The following LIPC variants were observed in gnomAD, a reference collection of about 807,000 sequenced individuals.
LIPC encodes the protein lipase C, hepatic type, also known as hepatic triacylglycerol lipase.
Under a neutral mutation model 50.7 loss-of-function variants are expected in LIPC, and 44 were observed. That is an observed-to-expected ratio of 0.87 (90% CI 0.68 to 1.11). The LOEUF (loss-of-function observed/expected upper bound fraction) is 1.11, where lower values mean the gene tolerates loss of function less well. Among genes scored for constraint, LIPC ranks in the 50% most tolerant of loss-of-function variants. The pLI, the probability that LIPC is intolerant of heterozygous loss-of-function variation, is 0.00. For missense variants in LIPC, 697 were observed against 648.2 expected, an observed-to-expected ratio of 1.08 and a Z score of -0.82; for synonymous variants, 271 against 256.4, an observed-to-expected ratio of 1.06 and a Z score of -0.54.
At chr15:58,558,261 C>T (rs1397267648) in intron 6 of LIPC, among the ~76,000 whole-genome samples, 4 of 151,684 alleles carry the variant, frequency 2.6e-5, no homozygotes, top group African/African-American at 4.8e-5. Flanking sequence ...TTAGTAGAGA[C>T]GGGGTTTCAC....
intron 1 of LIPC, among the ~76,000 whole-genome samples, chr15:58,438,837 C>T (rs1355556734): frequency 2.6e-5 from 4 of 152,246 alleles, no homozygotes; most frequent in African/African-American, 4.8e-5. Flanking sequence ...TGTTGGCTAA[C>T]TTCCCTTTCC....
chr15:58,540,032 C>T (rs1356652253), intron 2 of LIPC, among the ~76,000 whole-genome samples: 1 of 152,222 alleles, frequency 6.6e-6, no homozygotes, highest in Non-Finnish European at 1.5e-5. Context: ...CTCTGCTCTG[C>T]TAGGCCGTAA....
intron 1 of LIPC, among the ~76,000 whole-genome samples, chr15:58,508,266 G>A (rs1160205869): frequency 6.6e-6 from 1 of 152,114 alleles, no homozygotes; most frequent in African/African-American, 2.4e-5. Flanking sequence ...GAAGATCAGA[G>A]AGACCCTGAG....
intron 1 of LIPC, among the ~76,000 whole-genome samples, chr15:58,449,075 C>T (rs1315006998): frequency 2.6e-5 from 4 of 152,226 alleles, no homozygotes; most frequent in African/African-American, 9.6e-5. Flanking sequence ...GGGGCTCAAA[C>T]ACAGGTGGGA....
chr15:58,468,743 G>A (rs1387340308), intron 1 of LIPC, among the ~76,000 whole-genome samples: 1 of 152,200 alleles, frequency 6.6e-6, no homozygotes, highest in East Asian at 1.9e-4. Context: ...TCTAAAGACA[G>A]CCTGGACTGA....
At chr15:58,434,160 A>G (rs1893213583) in intron 1 of LIPC, among the ~76,000 whole-genome samples, 1 of 152,112 alleles carries the variant, frequency 6.6e-6, no homozygotes, top group African/African-American at 2.4e-5. Context: ...ACATCCTACA[A>G]TGCACAGGAC....
chr15:58,506,489 A>G (rs548850354), intron 1 of LIPC, among the ~76,000 whole-genome samples: 231 of 152,304 alleles, frequency 1.5e-3, no homozygotes, highest in African/African-American at 5.5e-3. Context: ...ATGAGAAGGC[A>G]CAGCAAAGGT....
At chr15:58,550,825 CTTTTTTTTTT>C (rs55943459) in intron 6 of LIPC, among the ~76,000 whole-genome samples, 3 of 45,118 alleles carry the variant, frequency 6.6e-5, no homozygotes, top group South Asian at 1.4e-3. Context: ...TTCTTTCTTA[CTTTTTTTTTT>C]TTTTTTTTTT....
chr15:58,551,454 C>G, intron 6 of LIPC, among the ~76,000 whole-genome samples: 1 of 152,222 alleles, frequency 6.6e-6, no homozygotes, highest in African/African-American at 2.4e-5. Flanking sequence ...TTCAGTTTGT[C>G]AGTTACACAA....
chr15:58,465,375 T>A, intron 1 of LIPC, among the ~76,000 whole-genome samples: 1 of 152,250 alleles, frequency 6.6e-6, no homozygotes, highest in African/African-American at 2.4e-5. Context: ...TGCTCTTCAA[T>A]AGTCTTAGTG....
chr15:58,486,561 C>G (rs1290310717), intron 1 of LIPC, among the ~76,000 whole-genome samples: 1 of 152,144 alleles, frequency 6.6e-6, no homozygotes, highest in African/African-American at 2.4e-5. Context: ...TGGTACAGAC[C>G]AGGTTGTGTG....
At chr15:58,433,606 G>A (rs1377898603) in intron 1 of LIPC, among the ~76,000 whole-genome samples, 1 of 152,178 alleles carries the variant, frequency 6.6e-6, no homozygotes, top group Non-Finnish European at 1.5e-5. Context: ...CCATTCTACT[G>A]TGGATTGGCC....
chr15:58,471,877 T>C (rs549671733), intron 1 of LIPC, among the ~76,000 whole-genome samples: 3 of 152,302 alleles, frequency 2.0e-5, no homozygotes, highest in Non-Finnish European at 4.4e-5. Flanking sequence ...TCAATGACCC[T>C]TGGGCTCCCC....
At chr15:58,536,832 T>C (rs1258909085) in intron 1 of LIPC, among the ~76,000 whole-genome samples, 1 of 152,228 alleles carries the variant, frequency 6.6e-6, no homozygotes, top group East Asian at 1.9e-4. Flanking sequence ...TTGCTGAGAA[T>C]TAATAACCTT....
intron 1 of LIPC, among the ~76,000 whole-genome samples, chr15:58,525,521 C>T (rs1274441868): frequency 6.6e-6 from 1 of 152,190 alleles, no homozygotes; most frequent in Non-Finnish European, 1.5e-5. Flanking sequence ...TGCAGGCATC[C>T]AACCAGGGAA....
chr15:58,441,358 C>T (rs923181998), intron 1 of LIPC, among the ~76,000 whole-genome samples: 27 of 152,202 alleles, frequency 1.8e-4, no homozygotes, highest in Admixed American at 1.3e-4. Context: ...TATTCTACAT[C>T]TGAAAAGAGA....
intron 1 of LIPC, among the ~76,000 whole-genome samples, chr15:58,530,007 T>C (rs2140889382): frequency 6.6e-6 from 1 of 152,350 alleles, no homozygotes; most frequent in Non-Finnish European, 1.5e-5. Context: ...TTCTATCCAC[T>C]TGGTGTGGTA....
At chr15:58,489,232 G>GGGGGC (rs1891493179) in intron 1 of LIPC, among the ~76,000 whole-genome samples, 1 of 120,856 alleles carries the variant, frequency 8.3e-6, no homozygotes, top group Admixed American at 8.4e-5. Context: ...GCGGGGGGGC[G>GGGGGC]GCTTACAAGC....
chr15:58,568,913 A>G lies in LIPC; in HGVS notation c.*86A>G. 2 of 712,230 alleles carry G rather than the reference A, an allele frequency of 2.8e-6. No homozygotes were observed. The highest frequency in any genetic ancestry group is 5.4e-4 in the Middle Eastern group (2 of 3,704). The allele number at this position is 712,230 out of a possible 1,614,324, so 44.1% of individuals were successfully genotyped here. A position where few individuals can be genotyped will look rare whatever the true frequency, so the allele number is the denominator to read the frequency against. On this transcript the variant is annotated 3_prime_UTR_variant, in exon 9 of 9. Transcript: ENST00000299022. ...CCTTATTTAGAAGCCAAAATTACAT[A>G]AAGAATCTCACACAAAGCTTAAATA... is the stretch of plus-strand genomic sequence containing the variant.
Sources: allele counts gnomAD v4.1 joint callset (sites outside exome capture counted in the v4.1 genomes callset), GRCh38; gene constraint gnomAD v4.1.1; transcripts MANE v1.5; gene names NCBI Gene and HGNC (gene_info 2026-07-23, HGNC 2026-07-21).